RABGAP1L: variants seen among roughly 807,000 people sequenced by gnomAD.
The protein encoded by RABGAP1L is rab GTPase-activating protein 1-like.
In RABGAP1L, 63 loss-of-function variants were observed where a neutral mutation model predicts 137.7. The observed-to-expected ratio is 0.46, with a 90% CI of 0.37 to 0.56. RABGAP1L has a LOEUF of 0.56. Ranked by LOEUF, RABGAP1L falls within the 20% of genes least tolerant of loss-of-function variation. The pLI, the probability that RABGAP1L is intolerant of heterozygous loss-of-function variation, is 0.00. For missense variants in RABGAP1L, 1,095 were observed against 1,244.0 expected (o/e 0.88, Z 1.80); for synonymous variants, 431 against 433.7 (o/e 0.99, Z 0.08).
intron 20 of RABGAP1L, among the ~76,000 whole-genome samples, chr1:174,967,132 C>T (rs767498998): frequency 2.9e-4 from 44 of 151,082 alleles, no homozygotes; most frequent in African/African-American, 9.7e-4. Flanking sequence ...AGGAAGGCAG[C>T]GTAAGCATTT....
At chr1:174,572,771 G>GA (rs1477630605) in intron 13 of RABGAP1L, among the ~76,000 whole-genome samples, 1 of 152,170 alleles carries the variant, frequency 6.6e-6, no homozygotes, top group African/African-American at 2.4e-5. Flanking sequence ...CAAGAAAAAG[G>GA]ATGCACTAAG....
intron 19 of RABGAP1L, among the ~76,000 whole-genome samples, chr1:174,925,708 A>G (rs1025814603): frequency 6.6e-6 from 1 of 152,142 alleles, no homozygotes; most frequent in Non-Finnish European, 1.5e-5. Context: ...AGATTTTCAT[A>G]AAGATGAAAA....
intron 13 of RABGAP1L, among the ~76,000 whole-genome samples, chr1:174,436,703 T>C (rs1017121723): frequency 2.6e-5 from 4 of 152,190 alleles, no homozygotes; most frequent in Admixed American, 2.6e-4. Flanking sequence ...CCATTGCTTT[T>C]GGTGTTTTAG....
At chr1:174,240,410 C>T (rs1018504194) in intron 4 of RABGAP1L, among the ~76,000 whole-genome samples, 1 of 152,180 alleles carries the variant, frequency 6.6e-6, no homozygotes, top group Non-Finnish European at 1.5e-5. Context: ...CCATGCCTGG[C>T]TGATTTTTGT....
At chr1:174,913,761 G>A (rs6659730) in intron 19 of RABGAP1L, among the ~76,000 whole-genome samples, 1 of 152,090 alleles carries the variant, frequency 6.6e-6, no homozygotes, top group African/African-American at 2.4e-5. Context: ...AGTAATTATA[G>A]GAAAAGAAAA....
intron 13 of RABGAP1L, among the ~76,000 whole-genome samples, chr1:174,506,672 C>G (rs1661845644): frequency 6.6e-6 from 1 of 152,142 alleles, no homozygotes; most frequent in African/African-American, 2.4e-5. Flanking sequence ...ATCCACCTTA[C>G]AGTGTATGCA....
chr1:174,943,820 G>A (rs913452018), intron 19 of RABGAP1L, among the ~76,000 whole-genome samples: 2 of 151,450 alleles, frequency 1.3e-5, no homozygotes, highest in African/African-American at 2.4e-5. Flanking sequence ...GCGACAGTGC[G>A]AGACTCCATC....
At chr1:174,500,745 T>C (rs1427765146) in intron 13 of RABGAP1L, among the ~76,000 whole-genome samples, 1 of 152,184 alleles carries the variant, frequency 6.6e-6, no homozygotes, top group Non-Finnish European at 1.5e-5. Context: ...CCATAATTTC[T>C]TATTTCATAG....
At chr1:174,493,950 A>G (rs1457834233) in intron 13 of RABGAP1L, among the ~76,000 whole-genome samples, 2 of 151,944 alleles carry the variant, frequency 1.3e-5, no homozygotes, top group Non-Finnish European at 2.9e-5. Flanking sequence ...TCACATTTAT[A>G]TTTGAACTTA....
chr1:174,360,849 T>C (rs1165170902), intron 11 of RABGAP1L, among the ~76,000 whole-genome samples: 1 of 152,200 alleles, frequency 6.6e-6, no homozygotes, highest in African/African-American at 2.4e-5. Flanking sequence ...TTTTTATTCA[T>C]TTAATTTATT....
intron 5 of RABGAP1L, chr1:174,244,258 A>C (rs1290374769): frequency 6.6e-6 from 1 of 152,260 alleles, no homozygotes. Context: ...TGTACTGTGC[A>C]GCAATGCCAC....
intron 18 of RABGAP1L, among the ~76,000 whole-genome samples, chr1:174,765,205 A>G (rs1197233454): frequency 6.6e-6 from 1 of 152,172 alleles, no homozygotes; most frequent in Non-Finnish European, 1.5e-5. Flanking sequence ...TTTTTATTAT[A>G]GCCACCTTAG....
chr1:174,550,895 T>TATATATATATATATAC (rs1456087584), intron 13 of RABGAP1L, among the ~76,000 whole-genome samples: 14 of 50,944 alleles, frequency 2.7e-4, no homozygotes, highest in East Asian at 2.5e-3. Context: ...TATATATATA[T>TATATATATATATATAC]ACACACACAC....
Position 174,990,028 on chromosome 1 carries a change from A to C in RABGAP1L, c.*27A>C, listed in dbSNP as rs1671956462. 1 of 1,507,232 alleles carries C rather than the reference A, an allele frequency of 6.6e-7. No individual in the cohort carries two copies. Among genetic ancestry groups the C allele is most frequent in the Non-Finnish European group, 9.0e-7 (1 of 1,108,754 alleles). 93.4% of individuals were successfully genotyped at this position (1,507,232 alleles called of 1,614,324 possible). ...TCCAGCCTTACCCAAGCACAAGAGC[A>C]CAATGTTCAAACCAATGGAAATCTG... On this transcript the variant is annotated 3_prime_UTR_variant, in exon 26 of 26. Transcript: ENST00000681986.
At chr1:174,218,978 G>GCCAC (rs1669547179) in intron 1 of RABGAP1L, 147 bp from the exon 2 acceptor site, 7 of 609,436 alleles carry the variant, frequency 1.1e-5, no homozygotes, top group Non-Finnish European at 1.9e-5. Context: ...GTCCAAGAAG[G>GCCAC]TAGCCTCCCT....
At chr1:174,892,504 G>A in intron 19 of RABGAP1L, 2 of 491,780 alleles carry the variant, frequency 4.1e-6, no homozygotes, top group Non-Finnish European at 8.1e-6. Context: ...GTAAGTTACT[G>A]GTTTTCACAA....
At chr1:174,833,388 G>A (rs1207421714) in intron 19 of RABGAP1L, among the ~76,000 whole-genome samples, 1 of 72,166 alleles carries the variant, frequency 1.4e-5, no homozygotes, top group African/African-American at 3.3e-5. Context: ...GTGTGTGTGT[G>A]TGTGTGTGTG....
At chr1:174,833,672 A>G (rs1009671596) in intron 19 of RABGAP1L, among the ~76,000 whole-genome samples, 16 of 151,286 alleles carry the variant, frequency 1.1e-4, no homozygotes, top group African/African-American at 3.9e-4. Flanking sequence ...TTATGTACCC[A>G]CTAGGTCCTA....
intron 18 of RABGAP1L, among the ~76,000 whole-genome samples, chr1:174,797,636 G>T (rs566254405): frequency 1.8e-4 from 23 of 130,854 alleles, no homozygotes; most frequent in African/African-American, 5.8e-4. Flanking sequence ...TGGGTGTGTG[G>T]GGGGGTGTGT....
Sources: gnomAD v4.1 joint callset for allele counts (sites outside exome capture counted in the v4.1 genomes callset) on GRCh38, gnomAD v4.1.1 for gene constraint, MANE v1.5 for transcripts, NCBI Gene and HGNC (gene_info 2026-07-23, HGNC 2026-07-21) for gene names.